TNRC6A: variants seen among roughly 807,000 people sequenced by gnomAD.
The protein encoded by TNRC6A is trinucleotide repeat containing adaptor 6A, also known as trinucleotide repeat-containing gene 6A protein.
A neutral mutation model predicts 221.2 loss-of-function variants in TNRC6A; 44 were observed. The observed-to-expected ratio is 0.20, with a 90% CI of 0.16 to 0.26. The LOEUF (loss-of-function observed/expected upper bound fraction) is 0.26, where lower values mean the gene tolerates loss of function less well. Ranked by LOEUF, TNRC6A falls within the 10% of genes least tolerant of loss-of-function variation. TNRC6A has a pLI of 1.00. For synonymous variants in TNRC6A, 847 were observed against 838.5 expected (o/e 1.01, Z -0.18); for missense variants, 2,199 against 2,404.4 (o/e 0.91, Z 1.79).
At chr16:24,702,369 G>A (rs2056003573) in intron 2 of TNRC6A, among the ~76,000 whole-genome samples, 2 of 151,586 alleles carry the variant, frequency 1.3e-5, no homozygotes, top group South Asian at 4.2e-4. Flanking sequence ...GTAGAGATGA[G>A]ATCTTGCCAT....
At chr16:24,717,066 G>A (rs993752583) in intron 2 of TNRC6A, among the ~76,000 whole-genome samples, 68 of 150,860 alleles carry the variant, frequency 4.5e-4, no homozygotes, top group African/African-American at 1.5e-3. Flanking sequence ...AGTTTCCTAT[G>A]TTATTGTGAT....
At chr16:24,779,175 C>T (rs1397111788) in intron 5 of TNRC6A, among the ~76,000 whole-genome samples, 1 of 151,944 alleles carries the variant, frequency 6.6e-6, no homozygotes, top group Non-Finnish European at 1.5e-5. Context: ...AAGAAGCTTT[C>T]AAAAAATGTC....
intron 18 of TNRC6A, among the ~76,000 whole-genome samples, chr16:24,814,409 C>CTTTTTTTCTTTTTTTTTTTTTTTTTTTT (rs1289848452): frequency 6.0e-5 from 7 of 116,766 alleles, no homozygotes; most frequent in African/African-American, 1.1e-4. Flanking sequence ...TTTTTTTTTT[C>CTTTTTTTCTTTTTTTTTTTTTTTTTTTT]TTTTTTTTTT....
intron 2 of TNRC6A, among the ~76,000 whole-genome samples, chr16:24,675,659 A>ACTCTCTCTCTCTCTCT (rs71381700): frequency 8.0e-5 from 3 of 37,554 alleles, no homozygotes; most frequent in African/African-American, 1.1e-4. Context: ...CCAGCCAGAG[A>ACTCTCTCTCTCTCTCT]CTCTCTCTCT....
chr16:24,725,306 G>A (rs758123808), upstream of TNRC6A, among the ~76,000 whole-genome samples: 68 of 152,172 alleles, frequency 4.5e-4, no homozygotes, highest in Non-Finnish European at 7.8e-4. Context: ...CTGAGTAGCT[G>A]GGATTACAGA....
chr16:24,729,128 T>C (rs1043918278), upstream of TNRC6A, among the ~76,000 whole-genome samples: 8 of 151,850 alleles, frequency 5.3e-5, no homozygotes, highest in African/African-American at 1.9e-4. Context: ...TGGATAAAAA[T>C]CGCTTTTAAG....
intron 2 of TNRC6A, among the ~76,000 whole-genome samples, chr16:24,732,916 GTTAAT>G (rs1039037778): frequency 1.5e-4 from 23 of 152,302 alleles, no homozygotes; most frequent in African/African-American, 5.5e-4. Context: ...TAGATGTTGA[GTTAAT>G]TTAAACATCT....
intron 2 of TNRC6A, among the ~76,000 whole-genome samples, chr16:24,646,704 G>T (rs1275306830): frequency 6.6e-6 from 1 of 152,076 alleles, no homozygotes; most frequent in Admixed American, 6.5e-5. Flanking sequence ...CTACACTTTG[G>T]TAAGCCATGA....
chr16:24,645,459 C>T (rs1270607840), intron 2 of TNRC6A, among the ~76,000 whole-genome samples: 2 of 151,076 alleles, frequency 1.3e-5, no homozygotes, highest in East Asian at 3.9e-4. Context: ...CACTGCACTC[C>T]AGCCTGGGCA....
intron 2 of TNRC6A, among the ~76,000 whole-genome samples, chr16:24,666,095 G>A (rs1015068575): frequency 1.3e-5 from 2 of 152,078 alleles, no homozygotes; most frequent in Non-Finnish European, 2.9e-5. Context: ...GGGAGGCTGA[G>A]GTGGAAGGAT....
At chr16:24,688,040 C>A (rs1228498438) in intron 2 of TNRC6A, among the ~76,000 whole-genome samples, 1 of 150,374 alleles carries the variant, frequency 6.7e-6, no homozygotes, top group Non-Finnish European at 1.5e-5. Context: ...TCACGCCATT[C>A]TCCTGCCTCA....
chr16:24,630,519 C>A (rs547365200), intron 1 of TNRC6A, among the ~76,000 whole-genome samples: 5 of 152,132 alleles, frequency 3.3e-5, no homozygotes, highest in Non-Finnish European at 7.4e-5. Context: ...ACAACAACAA[C>A]AAAAAACATA....
At chr16:24,670,376 G>A (rs1220850959) in intron 2 of TNRC6A, among the ~76,000 whole-genome samples, 1 of 152,114 alleles carries the variant, frequency 6.6e-6, no homozygotes, top group Non-Finnish European at 1.5e-5. Context: ...TCACTCCCAG[G>A]TTGGTGCCCT....
rs137919800 is a variant in TNRC6A, at chr16:24,632,582, G to C, written n.277-8302G>C. On this transcript the variant is annotated intron_variant and non_coding_transcript_variant, in intron 1 of 2. Transcript: ENST00000566108. ...GGTAAGACTCCCAACTGGCCCCTCA[G>C]CTTTCATTCATTCATACCTTCCTCA... Among the ~76,000 whole-genome samples the C allele has an allele frequency of 1.4e-3, 212 of 152,208 alleles. 2 individuals are homozygous for C. The highest frequency in any genetic ancestry group is 4.9e-3 in the African/African-American group (204 of 41,518).
At position 24,777,285 on chromosome 16, in the gene TNRC6A, G is replaced by C; in HGVS notation, c.516G>C (p.Gln172His). The C allele has an allele frequency of 6.2e-7, 1 of 1,614,178 alleles. No individual in the cohort carries two copies. The highest frequency in any genetic ancestry group is 8.5e-7 in the Non-Finnish European group (1 of 1,180,046). Residue 172 changes from glutamine (Q) to histidine (H), a missense_variant, in exon 5 of 25, where the codon CAG becomes CAC. Physicochemically the swap from Gln to His is conservative, Grantham distance 24. Coordinates refer to ENST00000395799, the MANE Select transcript of TNRC6A (RefSeq NM_014494.4). ...CTGCTGTTAAGGTGTTAAACAGCCA[G>C]TCAGAAAGCAGTGCTTTAACAAATC... ...LGSAVKVLNS[Q>H]SESSALTNQQ... is the part of the protein sequence containing the mutation.
rs865827433 is a variant in TNRC6A, at chr16:24,816,923, C to G, written c.4939C>G (p.Arg1647Gly). The G allele has an allele frequency of 1.2e-6, 2 of 1,613,888 alleles. No individual in the cohort carries two copies. The highest frequency in any genetic ancestry group is 1.7e-6 in the Non-Finnish European group (2 of 1,179,964). ...AAACAATCTTTCAATTAATACTGTG[C>G]GGGAAGTTGACCACCTCAGGGACAG... ...VINNLSINTV[R>G]EVDHLRDRNS... Residue 1647 changes from arginine (R) to glycine (G), a missense_variant, in exon 20 of 25, where the codon CGG becomes GGG. Around this residue, in one of 8 missense-constraint regions of TNRC6A, gnomAD observed 449 missense variants for 579.7 expected, o/e 0.77. Transcript: ENST00000395799.
intron 18 of TNRC6A, among the ~76,000 whole-genome samples, chr16:24,814,798 A>G (rs1422933270): frequency 6.6e-6 from 1 of 152,192 alleles, no homozygotes; most frequent in Non-Finnish European, 1.5e-5. Flanking sequence ...TTGTGTAGCC[A>G]TCACCACAAT....
intron 4 of TNRC6A, among the ~76,000 whole-genome samples, chr16:24,759,693 A>G (rs1167641146): frequency 6.6e-6 from 1 of 152,172 alleles, no homozygotes; most frequent in African/African-American, 2.4e-5. Context: ...AGTAGTGCCT[A>G]AAGTCACCAA....
Position 24,737,174 on chromosome 16 carries a change from C to T in TNRC6A, c.53+6874C>T, listed in dbSNP as rs527709706. On this transcript the variant is annotated intron_variant, in intron 2 of 24. Coordinates refer to ENST00000395799, the MANE Select transcript of TNRC6A (RefSeq NM_014494.4). ...TAAAATAATAAAAATAAAAATAAAA[C>T]CCCACAACAAAAGCAGATATGGTCT... 9.2e-5 allele frequency among the ~76,000 whole-genome samples: 14 copies of T among 152,184 alleles called. No individual in the cohort carries two copies. The South Asian group carries it at 1.0e-3, about 11-fold the overall frequency.
Sources: gnomAD v4.1 joint callset for allele counts (sites outside exome capture counted in the v4.1 genomes callset) on GRCh38, gnomAD v4.1.1 for gene constraint, gnomAD v4.1.1 regional missense constraint, MANE v1.5 for transcripts, NCBI Gene and HGNC (gene_info 2026-07-23, HGNC 2026-07-21) for gene names.